Variants in MBOAT2 observed in about 807,000 individuals in gnomAD.
MBOAT2 encodes the protein membrane bound glycerophospholipid O-acyltransferase 2.
Under a neutral mutation model 63.4 loss-of-function variants are expected in MBOAT2, and 28 were observed. The ratio of observed to expected loss-of-function variants is 0.44; its 90% CI spans 0.33 to 0.61. MBOAT2 has a LOEUF of 0.61. Among genes scored for constraint, MBOAT2 ranks in the 20% least tolerant of loss-of-function variants. The pLI, the probability that MBOAT2 is intolerant of heterozygous loss-of-function variation, is 0.03. For synonymous variants in MBOAT2, 211 were observed against 215.6 expected (o/e 0.98, Z 0.19); for missense variants, 470 against 605.8 (o/e 0.78, Z 2.35).
intron 3 of MBOAT2, 67 bp from the exon 4 acceptor site, chr2:8,908,783 G>A (rs1278286746): frequency 3.4e-6 from 3 of 887,312 alleles, no homozygotes; most frequent in Non-Finnish European, 5.5e-6. Context: ...ACATTTTAAA[G>A]TAATTTATTA....
chr2:8,865,245 C>A (rs184314258), intron 9 of MBOAT2, among the ~76,000 whole-genome samples: 1 of 152,038 alleles, frequency 6.6e-6, no homozygotes, highest in Non-Finnish European at 1.5e-5. Context: ...TCAGCAATTT[C>A]GCATGATTCA....
intron 1 of MBOAT2, among the ~76,000 whole-genome samples, chr2:8,970,918 G>A (rs1277865863): frequency 1.3e-5 from 2 of 151,956 alleles, no homozygotes; most frequent in Admixed American, 6.6e-5. Flanking sequence ...CACATTCACA[G>A]CCAATTTCTA....
intron 9 of MBOAT2, among the ~76,000 whole-genome samples, chr2:8,867,628 T>G (rs567966148): frequency 2.6e-5 from 4 of 152,226 alleles, no homozygotes; most frequent in Admixed American, 2.0e-4. Flanking sequence ...TAAACCAGAT[T>G]TCTGGGCCTG....
intron 3 of MBOAT2, among the ~76,000 whole-genome samples, chr2:8,924,812 A>G (rs1441987805): frequency 6.6e-6 from 1 of 152,120 alleles, no homozygotes; most frequent in Non-Finnish European, 1.5e-5. Flanking sequence ...AAAGTTAGCT[A>G]AAATACACAA....
intron 2 of MBOAT2, among the ~76,000 whole-genome samples, chr2:8,944,209 T>C (rs1424792560): frequency 6.6e-6 from 1 of 152,214 alleles, no homozygotes; most frequent in Non-Finnish European, 1.5e-5. Context: ...AAATCCACCA[T>C]TAAATTAGAT....
rs371168348 is a variant in MBOAT2, at chr2:8,862,616, C to A, written c.1159G>T (p.Val387Leu). Residue 387 changes from valine (V) to leucine (L), a missense_variant, in exon 11 of 13, where the codon GTG becomes TTG. By Grantham distance (32) the Val-to-Leu change is conservative (BLOSUM62 1). Transcript: ENST00000305997. This position sits in a 1 kb window ranked among gnomAD's most constrained non-coding sequence, Gnocchi z 4.3. ...PGYYLTFLTG[V>L]LMTLAARAMR... Reference sequence around the variant, plus strand: ...GCTCTTGCTGCTAATGTCATTAACACCCCTGTTAGAAACGTTAGATAATAT... The same window carrying A: ...GCTCTTGCTGCTAATGTCATTAACAACCCTGTTAGAAACGTTAGATAATAT... 3 of 1,612,380 alleles carry A rather than the reference C, an allele frequency of 1.9e-6. No individual in the cohort carries two copies. Among genetic ancestry groups the A allele is most frequent in the Non-Finnish European group, 2.5e-6 (3 of 1,179,582 alleles).
intron 4 of MBOAT2, among the ~76,000 whole-genome samples, chr2:8,900,810 G>A (rs1256958208): frequency 6.6e-6 from 1 of 152,154 alleles, no homozygotes; most frequent in African/African-American, 2.4e-5. Context: ...TTACAGAAAA[G>A]ATCAAGCTTC....
intron 3 of MBOAT2, among the ~76,000 whole-genome samples, chr2:8,937,330 C>T (rs888736761): frequency 1.3e-5 from 2 of 152,206 alleles, no homozygotes; most frequent in African/African-American, 4.8e-5. Flanking sequence ...TGTCATCACT[C>T]ATCTATTCAC....
chr2:8,985,832 G>C (rs1218717205), intron 1 of MBOAT2, among the ~76,000 whole-genome samples: 1 of 152,060 alleles, frequency 6.6e-6, no homozygotes, highest in Non-Finnish European at 1.5e-5. Context: ...ACAGTAATGA[G>C]AGCTTCTTCA....
chr2:9,003,456 C>T lies in MBOAT2; in HGVS notation c.75+84G>A, dbSNP rs2103396895. On this transcript the variant is annotated intron_variant, in intron 1 of 12. Coordinates refer to ENST00000305997, the MANE Select transcript of MBOAT2 (RefSeq NM_138799.4). This position sits in a 1 kb window ranked among gnomAD's most constrained non-coding sequence, Gnocchi z 5.4. ...GGCGCCCGGCCCCAGCCCCCACCCT[C>T]CTCCCGGGCCCCCGGTCGGGTGGCA... 1.1e-6 allele frequency: 1 copy of T among 943,738 alleles called. No individual in the cohort carries two copies. The highest frequency in any genetic ancestry group is 1.3e-6 in the Non-Finnish European group (1 of 751,234). 58.5% of individuals were successfully genotyped at this position (943,738 alleles called of 1,614,324 possible).
chr2:8,920,060 T>C (rs7608273), intron 3 of MBOAT2, among the ~76,000 whole-genome samples: 15,740 of 152,202 alleles, frequency 0.1, 958 homozygotes, highest in African/African-American at 0.17. Flanking sequence ...GCTATCACAC[T>C]CAGACAATTT....
intron 2 of MBOAT2, among the ~76,000 whole-genome samples, chr2:8,955,053 C>T (rs1040867612): frequency 1.3e-5 from 2 of 152,184 alleles, no homozygotes; most frequent in African/African-American, 4.8e-5. Context: ...AAGCACAATT[C>T]TAGCCCTACA....
At chr2:8,992,309 G>A (rs548601115) in intron 1 of MBOAT2, among the ~76,000 whole-genome samples, 186 of 152,198 alleles carry the variant, frequency 1.2e-3, no homozygotes, top group African/African-American at 4.3e-3. Flanking sequence ...CTTTTTGTTT[G>A]CTTTAATACA....
At chr2:8,977,217 T>C (rs1224336999) in intron 1 of MBOAT2, among the ~76,000 whole-genome samples, 2 of 152,150 alleles carry the variant, frequency 1.3e-5, no homozygotes, top group Non-Finnish European at 2.9e-5. Context: ...ATAAAGCTGT[T>C]TAAATTTTTT....
chr2:8,993,171 G>A (rs750635780), intron 1 of MBOAT2, among the ~76,000 whole-genome samples: 16 of 152,334 alleles, frequency 1.1e-4, no homozygotes, highest in South Asian at 4.1e-4. Context: ...TCATCCAGCT[G>A]AAAATAGTGG....
intron 2 of MBOAT2, among the ~76,000 whole-genome samples, chr2:8,953,536 G>A (rs1439751983): frequency 6.6e-6 from 1 of 152,090 alleles, no homozygotes; most frequent in Non-Finnish European, 1.5e-5. Context: ...ACATTTTCCA[G>A]GTTGTTTGCT....
At chr2:8,892,303 C>T (rs989941751) in intron 4 of MBOAT2, among the ~76,000 whole-genome samples, 1 of 152,254 alleles carries the variant, frequency 6.6e-6, no homozygotes, top group South Asian at 2.1e-4. Context: ...TAACTGTTCA[C>T]CTCAGTTATC....
chr2:8,921,783 G>C (rs545032162), intron 3 of MBOAT2, among the ~76,000 whole-genome samples: 1 of 152,260 alleles, frequency 6.6e-6, no homozygotes, highest in East Asian at 1.9e-4. Flanking sequence ...ATAATGAGTT[G>C]TTTTTCTCTC....
chr2:8,995,752 G>A (rs933985083), intron 1 of MBOAT2, among the ~76,000 whole-genome samples: 1 of 151,994 alleles, frequency 6.6e-6, no homozygotes, highest in African/African-American at 2.4e-5. Flanking sequence ...CACCATGCCC[G>A]GCCTAATTTT....
Sources: gnomAD v4.1 joint callset for allele counts (sites outside exome capture counted in the v4.1 genomes callset) on GRCh38, gnomAD v4.1.1 for gene constraint, Gnocchi (gnomAD v3.1) non-coding constraint, MANE v1.5 for transcripts, NCBI Gene and HGNC (gene_info 2026-07-23, HGNC 2026-07-21) for gene names.